LEMD1: variants seen among roughly 807,000 people sequenced by gnomAD.
LEMD1 encodes the protein LEM domain containing 1.
In LEMD1, 18 loss-of-function variants were observed where a neutral mutation model predicts 17.4. That is an observed-to-expected ratio of 1.04 (90% confidence interval 0.72 to 1.54). The LOEUF is 1.54. Among genes scored for constraint, LEMD1 ranks in the 40% most tolerant of loss-of-function variants. The pLI, the probability that LEMD1 is intolerant of heterozygous loss-of-function variation, is 0.00. For synonymous variants in LEMD1, 88 were observed against 77.8 expected (o/e 1.13, Z -0.69); for missense variants, 195 against 210.4 (o/e 0.93, Z 0.45).
At chr1:205,418,894 A>C (rs1665823819) in intron 3 of LEMD1, among the ~76,000 whole-genome samples, 1 of 152,222 alleles carries the variant, frequency 6.6e-6, no homozygotes, top group South Asian at 2.1e-4. Context: ...GGCAAAGCAG[A>C]AGTTGAGTCC....
At chr1:205,413,639 C>T (rs1665556985) in intron 4 of LEMD1, among the ~76,000 whole-genome samples, 1 of 128,704 alleles carries the variant, frequency 7.8e-6, no homozygotes, top group East Asian at 2.3e-4. Flanking sequence ...TGCTATGTTG[C>T]CCAGGATAAA....
chr1:205,389,494 G>A (rs11240466), intron 4 of LEMD1, among the ~76,000 whole-genome samples: 62,492 of 152,068 alleles, frequency 0.41, 13,086 homozygotes, highest in Middle Eastern at 0.46. Flanking sequence ...GCTGACACCT[G>A]CAATTAAGGG....
At chr1:205,431,848 C>T (rs1666129741) in intron 1 of LEMD1, among the ~76,000 whole-genome samples, 1 of 152,142 alleles carries the variant, frequency 6.6e-6, no homozygotes, top group Non-Finnish European at 1.5e-5. Context: ...TCCAGAGTAG[C>T]TGGGACTACA....
Position 205,420,581 on chromosome 1 carries a change from A to G in LEMD1, c.-38-7T>C. ...CTTTTCTGATGGTAGAATCCTTGAA[A>G]TAACAAAACATTAAATTCATTAAGA... On this transcript the variant is annotated splice_region_variant and splice_polypyrimidine_tract_variant and intron_variant, in intron 1 of 5. Transcript: ENST00000367153. 1.5e-6 allele frequency: 2 copies of G among 1,359,802 alleles called. No individual in the cohort carries two copies. The highest frequency in any genetic ancestry group is 2.1e-6 in the Non-Finnish European group (2 of 948,824). The allele number at this position is 1,359,802 out of a possible 1,614,324, so 84.2% of individuals were successfully genotyped here. A position where few individuals can be genotyped will look rare whatever the true frequency, so the allele number is the denominator to read the frequency against.
intron 4 of LEMD1, 48 bp downstream of exon 4, chr1:205,416,184 G>A: frequency 1.6e-6 from 2 of 1,264,088 alleles, no homozygotes; most frequent in Non-Finnish European, 2.2e-6. Context: ...GCTACTCCCT[G>A]TTTTTAATAT....
At chr1:205,446,884 C>T (rs1666398097) in intron 1 of LEMD1, among the ~76,000 whole-genome samples, 1 of 152,234 alleles carries the variant, frequency 6.6e-6, no homozygotes, top group African/African-American at 2.4e-5. Context: ...AGCAAAAACC[C>T]AGCTGGCTTG....
chr1:205,423,641 C>A (rs536068777), upstream of LEMD1, among the ~76,000 whole-genome samples: 25 of 152,308 alleles, frequency 1.6e-4, no homozygotes, highest in South Asian at 5.2e-3. Context: ...TGAAAATCCA[C>A]CAGCATAGTT....
intron 4 of LEMD1, among the ~76,000 whole-genome samples, chr1:205,399,493 G>T (rs1664739414): frequency 6.6e-6 from 1 of 152,230 alleles, no homozygotes; most frequent in South Asian, 2.1e-4. Context: ...ATGAGACCCA[G>T]TAGAAAGGTG....
At chr1:205,427,529 G>A (rs1231941744) in intron 1 of LEMD1, among the ~76,000 whole-genome samples, 1 of 152,076 alleles carries the variant, frequency 6.6e-6, no homozygotes, top group African/African-American at 2.4e-5. Context: ...GACAGACAGA[G>A]CGCACACTCA....
intron 4 of LEMD1, chr1:205,385,857 AGT>A (rs1169354461): frequency 6.6e-6 from 1 of 152,330 alleles, no homozygotes; most frequent in Non-Finnish European, 1.5e-5. Context: ...GGCTGCAGAC[AGT>A]GAGTCAGGAA....
rs1395338768 is a variant in LEMD1 at position 205,448,382 on chromosome 1, T to C, written c.-39+1486A>G. 3.7e-6 allele frequency: 2 copies of C among 534,380 alleles called. No homozygotes were observed. Among genetic ancestry groups the C allele is most frequent in the Non-Finnish European group, 3.8e-6 (1 of 260,002 alleles). 33.1% of individuals were successfully genotyped at this position (534,380 alleles called of 1,614,324 possible). A position where few individuals can be genotyped will look rare whatever the true frequency, so the allele number is the denominator to read the frequency against. On this transcript the variant is annotated intron_variant, in intron 1 of 3. Coordinates refer to the LEMD1 transcript ENST00000367154. This position sits in a 1 kb window ranked among gnomAD's most constrained non-coding sequence, Gnocchi z 4.7. ...GCAATCACATAGGAATGAAAAGCCA[T>C]AGGCCACAGCAGAGTGGAGGGGTCC...
At chr1:205,384,465 G>C in intron 4 of LEMD1, 101 bp from the exon 5 acceptor site, 2 of 672,482 alleles carry the variant, frequency 3.0e-6, no homozygotes, top group Non-Finnish European at 4.7e-6. Flanking sequence ...TATGCCAAAA[G>C]TTCTTGGCAC....
At chr1:205,424,709 A>T (rs1666033051), upstream of LEMD1, among the ~76,000 whole-genome samples, 1 of 152,222 alleles carries the variant, frequency 6.6e-6, no homozygotes, top group African/African-American at 2.4e-5. Context: ...GGGGACAGAC[A>T]TTCTAGGGTG....
At chr1:205,382,435 A>T (rs1238223030) in intron 5 of LEMD1, among the ~76,000 whole-genome samples, 1 of 151,764 alleles carries the variant, frequency 6.6e-6, no homozygotes, top group Non-Finnish European at 1.5e-5. Context: ...TTAAAAAATA[A>T]ATTTTTTTGT....
chr1:205,431,203 C>T (rs1666121495), intron 1 of LEMD1, among the ~76,000 whole-genome samples: 1 of 152,206 alleles, frequency 6.6e-6, no homozygotes, highest in South Asian at 2.1e-4. Flanking sequence ...TTTAATCATT[C>T]CTGACCTCTC....
intron 1 of LEMD1, among the ~76,000 whole-genome samples, chr1:205,430,728 C>A (rs1440602039): frequency 6.6e-6 from 1 of 152,224 alleles, no homozygotes; most frequent in Admixed American, 6.5e-5. Context: ...GCCGGGGGAC[C>A]CCCAAGCAGC....
intron 1 of LEMD1, among the ~76,000 whole-genome samples, chr1:205,444,770 T>C (rs374450868): frequency 6.6e-6 from 1 of 152,094 alleles, no homozygotes; most frequent in Non-Finnish European, 1.5e-5. Flanking sequence ...TGCTGGGGCA[T>C]GCCAGCAATT....
chr1:205,381,611 C>A lies in LEMD1; in HGVS notation c.*47G>T. ...TTCAGGGTAGTGTTTTGGTTCTTTC[C>A]TGAAGCAGGAGGCCTCGCTTGGAGC... On this transcript the variant is annotated 3_prime_UTR_variant, in exon 6 of 6. Transcript: ENST00000367153. The A allele has an allele frequency of 6.3e-7, 1 of 1,591,994 alleles. No homozygotes were observed. The highest frequency in any genetic ancestry group is 8.6e-7 in the Non-Finnish European group (1 of 1,159,944).
At position 205,384,323 on chromosome 1, in the gene LEMD1, G is replaced by T. The variant is rs1194873314; in HGVS notation, c.312C>A (p.Thr104=). The T allele has an allele frequency of 5.3e-6, 8 of 1,523,754 alleles. No homozygotes were observed. In the East Asian group the frequency reaches 1.8e-4, roughly 34 times the overall value. The allele number at this position is 1,523,754 out of a possible 1,614,324, so 94.4% of individuals were successfully genotyped here. Reference sequence around the variant, plus strand: ...TGGAAGGCTTATAATCCAAGCAATAGGTATCTACAGCTTTGCGTTTAGTGG... The same window carrying T: ...TGGAAGGCTTATAATCCAAGCAATATGTATCTACAGCTTTGCGTTTAGTGG... ...ASTTKRKAVD[T]YCLDYKPSKG... is the part of the protein sequence containing the mutation. Residue 104 remains threonine (T), a synonymous_variant, in exon 5 of 6, where the codon ACC becomes ACA. Coordinates refer to ENST00000367153, the MANE Select transcript of LEMD1 (RefSeq NM_001199050.2).
Sources: gnomAD v4.1 joint callset for allele counts (sites outside exome capture counted in the v4.1 genomes callset) on GRCh38, gnomAD v4.1.1 for gene constraint, Gnocchi (gnomAD v3.1) non-coding constraint, MANE v1.5 for transcripts, NCBI Gene and HGNC (gene_info 2026-07-23, HGNC 2026-07-21) for gene names.